The following DMD variants were observed in gnomAD, a reference collection of about 807,000 sequenced individuals.
DMD encodes the protein mutant dystrophin.
Under a neutral mutation model 330.1 loss-of-function variants are expected in DMD, and 63 were observed. That is an observed-to-expected ratio of 0.19 (90% confidence interval 0.16 to 0.24). DMD has a LOEUF of 0.24. Among genes scored for constraint, DMD ranks in the 10% least tolerant of loss-of-function variants. DMD has a pLI of 1.00. For synonymous variants in DMD, 1,223 were observed against 959.8 expected, an observed-to-expected ratio of 1.27 and a Z score of -5.07; for missense variants, 3,344 against 2,684.1, an observed-to-expected ratio of 1.25 and a Z score of -5.43.
chrX:33,005,399 C>T (rs1262515304), intron 2 of DMD, among the ~76,000 whole-genome samples: 3 of 108,852 alleles, frequency 2.8e-5, no homozygotes, highest in Non-Finnish European at 5.7e-5. Flanking sequence ...GTTAGTATCT[C>T]ACACTTAAAT....
At chrX:31,239,928 C>T (rs191443613) in intron 63 of DMD, among the ~76,000 whole-genome samples, 3 of 111,830 alleles carry the variant, frequency 2.7e-5, no homozygotes, top group East Asian at 5.6e-4. Flanking sequence ...CTCCCTTAGA[C>T]GTGCCGCCTT....
At chrX:33,090,512 A>G (rs5927136) in intron 1 of DMD, among the ~76,000 whole-genome samples, 47,246 of 107,307 alleles carry the variant, frequency 0.44, 8,344 homozygotes, top group East Asian at 0.85. Context: ...GAATCCTTTT[A>G]TATACTGGGT....
chrX:32,312,239 G>A (rs1182258705), intron 41 of DMD, among the ~76,000 whole-genome samples: 1 of 110,844 alleles, frequency 9.0e-6, no homozygotes, highest in African/African-American at 3.3e-5. Context: ...AATCTGGGTG[G>A]CCTTAACAAA....
chrX:31,234,085 C>CAG (rs1204775370), intron 63 of DMD, among the ~76,000 whole-genome samples: 1 of 112,158 alleles, frequency 8.9e-6, no homozygotes, highest in Admixed American at 9.4e-5. Flanking sequence ...GTTACCCTAA[C>CAG]AGAAGCTTTT....
chrX:31,376,277 T>C (rs967376856), intron 60 of DMD, among the ~76,000 whole-genome samples: 1 of 112,443 alleles, frequency 8.9e-6, no homozygotes, highest in African/African-American at 3.2e-5. Flanking sequence ...AATTATACTC[T>C]GTCGGTGCCA....
At chrX:31,377,957 C>T (rs2148699634) in intron 60 of DMD, among the ~76,000 whole-genome samples, 1 of 110,988 alleles carries the variant, frequency 9.0e-6, no homozygotes, top group African/African-American at 3.3e-5. Flanking sequence ...AGCTTCCCCA[C>T]TGAGCACCTT....
At chrX:32,899,370 GAA>G (rs1164433080) in intron 2 of DMD, among the ~76,000 whole-genome samples, 2 of 111,141 alleles carry the variant, frequency 1.8e-5, no homozygotes, top group East Asian at 5.6e-4. Context: ...TAATATCATA[GAA>G]AGTGTTTGTA....
chrX:32,836,643 A>G (rs1305590408), intron 4 of DMD, among the ~76,000 whole-genome samples: 1 of 111,773 alleles, frequency 8.9e-6, no homozygotes, highest in Non-Finnish European at 1.9e-5. Context: ...TCAAAGACAA[A>G]AATTCAAACT....
chrX:32,084,830 C>T (rs763888093), intron 44 of DMD, among the ~76,000 whole-genome samples: 1 of 110,809 alleles, frequency 9.0e-6, no homozygotes, highest in East Asian at 2.9e-4. Context: ...TCTCGGAAGG[C>T]GGGGAATTAA....
intron 44 of DMD, among the ~76,000 whole-genome samples, chrX:32,108,576 G>A (rs1015082269): frequency 8.9e-6 from 1 of 111,734 alleles, no homozygotes; most frequent in Non-Finnish European, 1.9e-5. Context: ...ATGATACTGA[G>A]GGACTGGCAA....
chrX:32,352,059 C>G (rs972357076), intron 37 of DMD, among the ~76,000 whole-genome samples: 2 of 110,932 alleles, frequency 1.8e-5, no homozygotes, highest in African/African-American at 6.5e-5. Flanking sequence ...AAGTGATTAA[C>G]TAAAATCAGT....
intron 23 of DMD, 67 bp from the exon 24 acceptor site, chrX:32,464,766 G>A: frequency 2.5e-6 from 2 of 799,390 alleles, no homozygotes; most frequent in South Asian, 4.1e-5. Flanking sequence ...TCATCATTGT[G>A]TTATGTCTAA....
rs1055784923 is a variant in DMD, at chrX:32,783,674, G to A, written c.649+25819C>T. Among the ~76,000 whole-genome samples the A allele has an allele frequency of 9.7e-4, 107 of 110,209 alleles. 1 individual carries two copies. The highest frequency in any genetic ancestry group is 3.2e-3 in the African/African-American group (97 of 30,422). ...TTTACGTACTATTTATATTGTATTA[G>A]GTATTATAAGTAATCTAGAGATAAT... is the stretch of plus-strand genomic sequence containing the variant. On this transcript the variant is annotated intron_variant, in intron 7 of 78. Coordinates refer to ENST00000357033, the MANE Select transcript of DMD (RefSeq NM_004006.3).
chrX:31,372,869 G>C (rs200035649), intron 60 of DMD, among the ~76,000 whole-genome samples: 1 of 111,416 alleles, frequency 9.0e-6, no homozygotes, highest in East Asian at 2.8e-4. Context: ...ATTAGGAAAA[G>C]AGGAAGTCAA....
rs1000900455 is a variant in DMD at position 32,646,066 on chromosome X, G to C, written c.961-914C>G. ...AGAAAGGCTTCCTCTGGAGAGGCTG[G>C]AGCGCTCTGCGTGGCTCTAACTTCT... On this transcript the variant is annotated intron_variant, in intron 9 of 78. Transcript: ENST00000357033. Among the ~76,000 whole-genome samples the C allele has an allele frequency of 2.8e-4, 31 of 111,661 alleles. 1 individual carries two copies. The highest frequency in any genetic ancestry group is 9.8e-4 in the African/African-American group (30 of 30,692).
chrX:31,158,101 A>T (rs753209705), intron 74 of DMD, among the ~76,000 whole-genome samples: 5 of 111,806 alleles, frequency 4.5e-5, no homozygotes, highest in Non-Finnish European at 9.4e-5. Context: ...CACCATGCCC[A>T]GCCCAGAATA....
At chrX:31,864,701 G>T (rs1231543035) in intron 48 of DMD, among the ~76,000 whole-genome samples, 1 of 109,959 alleles carries the variant, frequency 9.1e-6, no homozygotes, top group East Asian at 2.9e-4. Flanking sequence ...ATATTGCCCA[G>T]GCTGATCTCA....
At chrX:32,100,460 T>C (rs1189884315) in intron 44 of DMD, among the ~76,000 whole-genome samples, 1 of 109,065 alleles carries the variant, frequency 9.2e-6, no homozygotes, top group African/African-American at 3.3e-5. Context: ...TTTAAAGCCT[T>C]GGAGCCATGT....
intron 55 of DMD, among the ~76,000 whole-genome samples, chrX:31,539,921 A>T (rs1299295048): frequency 1.8e-5 from 2 of 111,538 alleles, no homozygotes; most frequent in African/African-American, 6.5e-5. Flanking sequence ...CTGAACAATG[A>T]TGTGAGTGTT....
Sources: gnomAD v4.1 joint callset for allele counts (sites outside exome capture counted in the v4.1 genomes callset) on GRCh38, gnomAD v4.1.1 for gene constraint, MANE v1.5 for transcripts, NCBI Gene and HGNC (gene_info 2026-07-23, HGNC 2026-07-21) for gene names.